Variants in ATR observed in about 807,000 individuals in gnomAD.
ATR encodes the protein serine/threonine-protein kinase ATR.
Under a neutral mutation model 305.3 loss-of-function variants are expected in ATR, and 142 were observed. That is an observed-to-expected ratio of 0.47 (90% CI 0.41 to 0.53). The LOEUF is 0.53. Ranked by LOEUF, ATR falls within the 20% of genes least tolerant of loss-of-function variation. The probability of loss-of-function intolerance (pLI) is 0.00; values close to 1 mark genes in which losing one functional copy is unlikely to be tolerated. For missense variants in ATR, 2,135 were observed against 3,133.1 expected, an observed-to-expected ratio of 0.68 and a Z score of 7.60; for synonymous variants, 1,050 against 1,068.1, an observed-to-expected ratio of 0.98 and a Z score of 0.33.
chr3:142,537,213 G>A (rs553513049), intron 19 of ATR, among the ~76,000 whole-genome samples: 1 of 150,860 alleles, frequency 6.6e-6, no homozygotes, highest in South Asian at 2.1e-4. Context: ...GCCTCAGCCT[G>A]CAGTAGCTAG....
chr3:142,450,970 A>T, intron 46 of ATR: 1 of 1,212,856 alleles, frequency 8.2e-7, no homozygotes, highest in Non-Finnish European at 1.0e-6. Context: ...GCAGAATCTG[A>T]CACTCAAAAT....
chr3:142,495,482 C>T lies in ATR; in HGVS notation c.5898+879G>A, dbSNP rs556287705. Among the ~76,000 whole-genome samples the T allele has an allele frequency of 1.4e-4, 21 of 152,224 alleles. 1 individual carries two copies. The South Asian group carries it at 4.4e-3, about 32-fold the overall frequency. ...GTTATTGGCCAGGCGCGGTGGCTCA[C>T]GCCTGTAATCCCAGCACTTTGGGTG... On this transcript the variant is annotated intron_variant, in intron 34 of 46. Transcript: ENST00000350721.
intron 8 of ATR, among the ~76,000 whole-genome samples, chr3:142,557,088 G>A (rs2034698621): frequency 6.8e-6 from 1 of 147,256 alleles, no homozygotes; most frequent in Non-Finnish European, 1.5e-5. Flanking sequence ...ATATGGATAT[G>A]AATCACCTAT....
intron 35 of ATR, among the ~76,000 whole-genome samples, chr3:142,489,088 C>A (rs1320288264): frequency 1.3e-5 from 2 of 152,082 alleles, no homozygotes; most frequent in Admixed American, 1.3e-4. Flanking sequence ...ATAATCCCAG[C>A]ACTTTGGGAG....
intron 2 of ATR, 100 bp downstream of exon 2, chr3:142,567,963 C>T: frequency 2.1e-6 from 2 of 954,998 alleles, no homozygotes; most frequent in Non-Finnish European, 3.1e-6. Context: ...CATAAATACT[C>T]CATATCTAAA....
chr3:142,531,234 GTTTTATTTTATTTTA>G (rs71629539), intron 21 of ATR, among the ~76,000 whole-genome samples: 2 of 151,352 alleles, frequency 1.3e-5, no homozygotes, highest in African/African-American at 2.4e-5. Context: ...GTCTCTAGCA[GTTTTATTTTATTTTA>G]TTTTATTTTA....
intron 22 of ATR, among the ~76,000 whole-genome samples, chr3:142,523,523 G>A (rs958799142): frequency 6.6e-6 from 1 of 152,138 alleles, no homozygotes; most frequent in African/African-American, 2.4e-5. Flanking sequence ...TACGCATATA[G>A]TATAACTCTT....
rs766616536 is a variant in ATR, at chr3:142,524,088, G to T, written c.4057C>A (p.Leu1353Ile). 5 of 1,614,044 alleles carry T rather than the reference G, an allele frequency of 3.1e-6. No homozygotes were observed. The highest frequency in any genetic ancestry group is 4.2e-6 in the Non-Finnish European group (5 of 1,179,996). Residue 1353 changes from leucine (L) to isoleucine (I), a missense_variant, in exon 22 of 47, where the codon CTC becomes ATC. By Grantham distance (5) the Leu-to-Ile change is conservative. Coordinates refer to ENST00000350721, the MANE Select transcript of ATR (RefSeq NM_001184.4). ...CQDANSQARLLCGECLGELGA... is the reference protein window; with the variant it reads ...CQDANSQARLICGECLGELGA... ...AATTCCCCTAAACATTCCCCACAGAGCAACCGAGCTTGAGAGTTTGCATCT... is the reference window on the plus strand; with the variant it reads ...AATTCCCCTAAACATTCCCCACAGATCAACCGAGCTTGAGAGTTTGCATCT...
At chr3:142,576,809 T>C (rs2035455360) in intron 1 of ATR, among the ~76,000 whole-genome samples, 1 of 152,148 alleles carries the variant, frequency 6.6e-6, no homozygotes, top group African/African-American at 2.4e-5. Flanking sequence ...TTAGCAAGAT[T>C]ATGCAGAGCA....
chr3:142,548,035 G>A (rs563122569), intron 15 of ATR, 125 bp from the exon 16 acceptor site: 56 of 837,626 alleles, frequency 6.7e-5, no homozygotes, highest in African/African-American at 3.3e-4. Flanking sequence ...ATTTATTAAA[G>A]GTATTAAGAA....
At chr3:142,531,632 C>A (rs1455846454) in intron 21 of ATR, among the ~76,000 whole-genome samples, 1 of 152,200 alleles carries the variant, frequency 6.6e-6, no homozygotes, top group Non-Finnish European at 1.5e-5. Flanking sequence ...ATATGTGCCA[C>A]ATTTTCTTAA....
rs1180472304 is a variant in ATR, at chr3:142,560,387, G to A, written c.1417C>T (p.Leu473Phe). ...CCACTGTATTCAAGGGAAATCTGAA[G>A]GGATTCAGCTTTCTGTTTCAGTGCA... The part of the protein sequence containing the change: ...WSALKQKAES[L>F]QISLEYSGLK... Residue 473 changes from leucine to phenylalanine, a missense_variant, in exon 6 of 47, where the codon CTT becomes TTT. Leu to Phe is a conservative substitution (Grantham distance 22). This residue lies in a region of ATR where 744 missense variants were observed against 873.2 expected (regional missense o/e 0.85). Transcript: ENST00000350721. The A allele has an allele frequency of 4.3e-6, 7 of 1,613,596 alleles. No individual in the cohort carries two copies. Among genetic ancestry groups the A allele is most frequent in the African/African-American group, 1.3e-5 (1 of 74,968 alleles).
intron 35 of ATR, among the ~76,000 whole-genome samples, chr3:142,491,600 T>C (rs956382015): frequency 3.3e-5 from 5 of 152,238 alleles, no homozygotes; most frequent in Admixed American, 2.6e-4. Flanking sequence ...CTTACAAGTA[T>C]GGTTTCAGAA....
At chr3:142,450,811 C>A in intron 46 of ATR, 1 of 1,399,990 alleles carries the variant, frequency 7.1e-7, no homozygotes, top group Admixed American at 2.6e-5. Flanking sequence ...AGTGGTCCAA[C>A]CACAAGCAGA....
At chr3:142,547,598 C>T in intron 16 of ATR, 127 bp downstream of exon 16, 2 of 1,079,446 alleles carry the variant, frequency 1.9e-6, no homozygotes, top group South Asian at 3.0e-5. Context: ...ATAAAAATAC[C>T]AACTTAAAAT....
chr3:142,562,276 A>C lies in ATR; in HGVS notation c.1126T>G (p.Cys376Gly). Residue 376 changes from cysteine to glycine, a missense_variant, in exon 4 of 47, where the codon TGT becomes GGT. By Grantham distance (159) the Cys-to-Gly change is radical. Around this residue, in one of 9 missense-constraint regions of ATR, gnomAD observed 744 missense variants for 873.2 expected, o/e 0.85. Transcript: ENST00000350721. ...QVRKVYVRNI[C>G]KALLDVLGIE... Reference sequence around the variant, plus strand: ...CCAAGCACATCCAAAAGAGCTTTACAAATATTTCTCACATAGACCTTCCTG... The same window carrying C: ...CCAAGCACATCCAAAAGAGCTTTACCAATATTTCTCACATAGACCTTCCTG... The C allele has an allele frequency of 6.2e-7, 1 of 1,614,144 alleles. No individual in the cohort carries two copies. Among genetic ancestry groups the C allele is most frequent in the Non-Finnish European group, 8.5e-7 (1 of 1,179,986 alleles).
At chr3:142,504,886 T>G (rs1476724897) in intron 29 of ATR, among the ~76,000 whole-genome samples, 2 of 151,934 alleles carry the variant, frequency 1.3e-5, no homozygotes, top group African/African-American at 4.8e-5. Context: ...GTATTAAAAC[T>G]AAGGTTTCGG....
chr3:142,564,758 T>C (rs1054060366), intron 3 of ATR, among the ~76,000 whole-genome samples: 1 of 152,138 alleles, frequency 6.6e-6, no homozygotes, highest in African/African-American at 2.4e-5. Flanking sequence ...ATATTTTCTT[T>C]TTTTTTTTCT....
rs775268793 is a variant in ATR, at chr3:142,461,967, T to C, written c.7165A>G (p.Ile2389Val). The change falls in exon 42 of 47, where the codon ATT becomes GTT. Residue 2389 changes from isoleucine to valine, a missense_variant. By Grantham distance (29) the Ile-to-Val change is conservative (BLOSUM62 3). Transcript: ENST00000350721. ...WVNNTAGLRP[I>V]LTKLYKEKGV... ...TTTTCTTTATATAGTTTGGTCAGAA[T>C]AGGTCTCAAACCAGCAGTGTTGTTC... 1 of 1,613,684 alleles carries C rather than the reference T, an allele frequency of 6.2e-7. No homozygotes were observed. Among genetic ancestry groups the C allele is most frequent in the Non-Finnish European group, 8.5e-7 (1 of 1,179,782 alleles).
Sources: gnomAD v4.1 joint callset for allele counts (sites outside exome capture counted in the v4.1 genomes callset) on GRCh38, gnomAD v4.1.1 for gene constraint, gnomAD v4.1.1 regional missense constraint, MANE v1.5 for transcripts, NCBI Gene and HGNC (gene_info 2026-07-23, HGNC 2026-07-21) for gene names.